DRC4: variants seen among roughly 807,000 people sequenced by gnomAD.
The protein encoded by DRC4 is GAS-11.
the DRC4 span, chr16:90,027,495 C>T: frequency 1.3e-5 from 10 of 750,518 alleles, no homozygotes; most frequent in African/African-American, 1.0e-4. Context: ...TGGGAACACT[C>T]AGGGCAATGA....
At chr16:90,019,806 C>T in the DRC4 span, 6 of 688,678 alleles carry the variant, frequency 8.7e-6, no homozygotes, top group African/African-American at 3.6e-5. The surrounding 1 kb of genome is among the most constrained non-coding windows in gnomAD (Gnocchi z 6.1). Flanking sequence ...TGCGGGCGCC[C>T]CTCGGGGCTG....
At chr16:90,028,246 G>A in the DRC4 span, among the ~76,000 whole-genome samples, 363 of 140,270 alleles carry the variant, frequency 2.6e-3, 2 homozygotes, top group African/African-American at 8.5e-3. Context: ...GTGCAGTGGC[G>A]CGATCTCGGC....
the DRC4 span, chr16:90,037,642 C>T: frequency 9.2e-7 from 1 of 1,087,962 alleles, no homozygotes; most frequent in South Asian, 1.4e-5. Context: ...CTGCTTGTGT[C>T]CTGGAACCAG....
At chr16:90,042,868 G>T in the DRC4 span, 3 of 503,926 alleles carry the variant, frequency 6.0e-6, no homozygotes, top group Non-Finnish European at 1.1e-5. Context: ...AACAGGGGAA[G>T]GGAGGGCGTG....
the DRC4 span, among the ~76,000 whole-genome samples, chr16:90,035,108 G>T: frequency 1.3e-5 from 2 of 151,990 alleles, no homozygotes; most frequent in Non-Finnish European, 2.9e-5. Flanking sequence ...TCTCCATGTT[G>T]GTCAGGCTGG....
At chr16:90,027,745 C>G in the DRC4 span, 1 of 1,611,584 alleles carries the variant, frequency 6.2e-7, no homozygotes, top group Non-Finnish European at 8.5e-7. Flanking sequence ...GGCTGTGGCC[C>G]AGTCCCCGGG....
chr16:90,022,777 C>T, the DRC4 span: 2 of 1,314,478 alleles, frequency 1.5e-6, no homozygotes, highest in South Asian at 1.9e-5. Flanking sequence ...CCGGAGACCT[C>T]GGGGCAGGGA....
chr16:90,037,151 C>T, the DRC4 span: 10 of 1,419,348 alleles, frequency 7.0e-6, no homozygotes, highest in African/African-American at 4.3e-5. Context: ...GGCAGGAGAG[C>T]ACCCAGCTCT....
chr16:90,036,618 A>T, the DRC4 span: 7 of 1,545,520 alleles, frequency 4.5e-6, no homozygotes, highest in Non-Finnish European at 6.1e-6. Flanking sequence ...GGGGAGGCAC[A>T]CTCTGCCTGT....
At chr16:90,044,217 G>A in the DRC4 span, 4 of 452,684 alleles carry the variant, frequency 8.8e-6, no homozygotes, top group South Asian at 6.2e-5. Flanking sequence ...AGCTGGAGTT[G>A]GCTCAGATGA....
chr16:90,025,166 G>C, the DRC4 span, among the ~76,000 whole-genome samples: 1 of 150,728 alleles, frequency 6.6e-6, no homozygotes, highest in African/African-American at 2.4e-5. Context: ...ACAGGTGCCC[G>C]CCACCACGCC....
At chr16:90,030,096 G>A in the DRC4 span, among the ~76,000 whole-genome samples, 4 of 152,076 alleles carry the variant, frequency 2.6e-5, no homozygotes, top group Admixed American at 2.0e-4. Flanking sequence ...CGAGAAAGCT[G>A]GAAGCCTGTC....
chr16:90,032,288 C>G, the DRC4 span, among the ~76,000 whole-genome samples: 1 of 148,926 alleles, frequency 6.7e-6, no homozygotes, highest in South Asian at 2.1e-4. Flanking sequence ...CAGGTATGGA[C>G]AGGTGAGGAG....
At chr16:90,031,417 T>C in the DRC4 span, 1 of 1,613,338 alleles carries the variant, frequency 6.2e-7, no homozygotes, top group Non-Finnish European at 8.5e-7. Flanking sequence ...CGGAGGCAGC[T>C]GGAGGAGAAG....
chr16:90,036,508 C>G, the DRC4 span: 7 of 1,613,612 alleles, frequency 4.3e-6, no homozygotes, highest in South Asian at 5.5e-5. Flanking sequence ...TGCAGCGCCA[C>G]GAGGAGGCCT....
At chr16:90,025,672 A>G in the DRC4 span, among the ~76,000 whole-genome samples, 9 of 137,598 alleles carry the variant, frequency 6.5e-5, no homozygotes, top group South Asian at 2.3e-4. Context: ...AAAAAAAAAA[A>G]AGAGAGTTCA....
chr16:90,021,376 C>T, the DRC4 span, among the ~76,000 whole-genome samples: 1 of 152,154 alleles, frequency 6.6e-6, no homozygotes, highest in East Asian at 1.9e-4. Context: ...TACTCTTCAT[C>T]CCCAGACACA....
At chr16:90,032,520 G>A in the DRC4 span, among the ~76,000 whole-genome samples, 1 of 149,476 alleles carries the variant, frequency 6.7e-6, no homozygotes, top group African/African-American at 2.5e-5. Context: ...TGTGGTGCAG[G>A]TGTGGTATGG....
At chr16:90,044,550 C>T in the DRC4 span, 1 of 471,100 alleles carries the variant, frequency 2.1e-6, no homozygotes, top group South Asian at 1.5e-5. Context: ...TCCAGTAGCC[C>T]TCAGTGTCGA....
Sources: allele counts gnomAD v4.1 joint callset (sites outside exome capture counted in the v4.1 genomes callset), GRCh38; gene constraint gnomAD v4.1.1; non-coding constraint Gnocchi (gnomAD v3.1); transcripts MANE v1.5; gene names NCBI Gene and HGNC (gene_info 2026-07-23, HGNC 2026-07-21).